Variants in SLC25A33 observed in about 807,000 individuals in gnomAD.
SLC25A33 encodes the protein solute carrier family 25 member 33.
Under a neutral mutation model 35.5 loss-of-function variants are expected in SLC25A33, and 15 were observed. The ratio of observed to expected loss-of-function variants is 0.42; its 90% confidence interval spans 0.28 to 0.65. SLC25A33 has a LOEUF of 0.65. Ranked by LOEUF, SLC25A33 falls within the 30% of genes least tolerant of loss-of-function variation. The pLI is 0.20. For missense variants in SLC25A33, 257 were observed against 398.5 expected (o/e 0.64, Z 3.02); for synonymous variants, 136 against 148.7 (o/e 0.91, Z 0.62).
At chr1:9,576,654 C>G (rs919591485) in intron 5 of SLC25A33, 1 of 620,386 alleles carries the variant, frequency 1.6e-6, no homozygotes, top group African/African-American at 1.8e-5. Context: ...AGAACACGAT[C>G]AAGGGTGTTA....
chr1:9,584,164 T>C lies in SLC25A33; in HGVS notation c.*1663T>C, dbSNP rs1442122614. On this transcript the variant is annotated 3_prime_UTR_variant, in exon 7 of 7. Transcript: ENST00000302692. ...TGAAGGTTGGTTTTCAATTTGAACG[T>C]CTAGAAAGATACTCATTTCTAATAC... 1.3e-5 allele frequency: 2 copies of C among 152,212 alleles called. No homozygotes were observed. Among genetic ancestry groups the C allele is most frequent in the African/African-American group, 4.8e-5 (2 of 41,450 alleles). The allele number at this position is 152,212 out of a possible 1,614,324, so 9.4% of individuals were successfully genotyped here.
chr1:9,562,794 G>C (rs1458325420), intron 2 of SLC25A33, among the ~76,000 whole-genome samples: 2 of 150,044 alleles, frequency 1.3e-5, no homozygotes, highest in African/African-American at 4.9e-5. Flanking sequence ...CAGAGGTTGT[G>C]GTGAGCCAAG....
Position 9,582,063 on chromosome 1 carries a change from C to G in SLC25A33, c.764-236C>G, listed in dbSNP as rs986503898. Among the ~76,000 whole-genome samples, 2 of 152,150 alleles carry G rather than the reference C, an allele frequency of 1.3e-5. No homozygotes were observed. Among genetic ancestry groups the G allele is most frequent in the African/African-American group, 4.8e-5 (2 of 41,432 alleles). On this transcript the variant is annotated intron_variant, in intron 6 of 6. Coordinates refer to ENST00000302692, the MANE Select transcript of SLC25A33 (RefSeq NM_032315.3). The surrounding 1 kb of genome is among the most constrained non-coding windows in gnomAD (Gnocchi z 4.0). ...CTCAGCCACTCTAGTAGTAGGCGTGCACCACCTTGCCTGGCTAATTTTTGT... is the reference window on the plus strand; with the variant it reads ...CTCAGCCACTCTAGTAGTAGGCGTGGACCACCTTGCCTGGCTAATTTTTGT...
intron 2 of SLC25A33, among the ~76,000 whole-genome samples, chr1:9,557,645 C>T (rs568803137): frequency 6.6e-6 from 1 of 152,270 alleles, no homozygotes; most frequent in African/African-American, 2.4e-5. Flanking sequence ...TCAGATCTCT[C>T]AAACGGATTC....
chr1:9,579,873 T>C (rs1167367919), intron 5 of SLC25A33, 81 bp from the exon 6 acceptor site: 1 of 1,470,400 alleles, frequency 6.8e-7, no homozygotes. Context: ...GGAAGACCCG[T>C]ACCTGTTCTC....
intron 2 of SLC25A33, among the ~76,000 whole-genome samples, chr1:9,562,464 C>A (rs1342686651): frequency 1.3e-5 from 2 of 152,030 alleles, no homozygotes; most frequent in Non-Finnish European, 2.9e-5. Context: ...TGTATGGGAT[C>A]ACTTAAAAGG....
intron 4 of SLC25A33, among the ~76,000 whole-genome samples, chr1:9,572,926 A>T (rs911741817): frequency 2.0e-5 from 3 of 151,906 alleles, no homozygotes; most frequent in Admixed American, 6.6e-5. Context: ...AAATTTTTTT[A>T]AAGAGATGGA....
At chr1:9,561,977 C>T (rs1041121485) in intron 2 of SLC25A33, among the ~76,000 whole-genome samples, 2 of 149,310 alleles carry the variant, frequency 1.3e-5, no homozygotes, top group Non-Finnish European at 3.0e-5. Context: ...TGTTTGAACC[C>T]GGGAGGTGGA....
At chr1:9,560,679 A>G (rs1643410778) in intron 2 of SLC25A33, among the ~76,000 whole-genome samples, 1 of 152,220 alleles carries the variant, frequency 6.6e-6, no homozygotes. Flanking sequence ...ATTCAGAGAA[A>G]AAAATATTCT....
chr1:9,579,260 G>C (rs573553284), intron 5 of SLC25A33, among the ~76,000 whole-genome samples: 2 of 152,094 alleles, frequency 1.3e-5, no homozygotes, highest in Admixed American at 1.3e-4. Flanking sequence ...ATTCACTTCC[G>C]ACACTGTCTA....
intron 5 of SLC25A33, among the ~76,000 whole-genome samples, chr1:9,575,772 C>T (rs187004681): frequency 6.6e-6 from 1 of 152,304 alleles, no homozygotes; most frequent in Non-Finnish European, 1.5e-5. Context: ...CCAAAAGAGC[C>T]TTCTAACATG....
chr1:9,569,369 C>T (rs565948976), intron 3 of SLC25A33, among the ~76,000 whole-genome samples: 1 of 152,178 alleles, frequency 6.6e-6, no homozygotes, highest in East Asian at 1.9e-4. Context: ...AAGTACTAGT[C>T]TGTGAGATGA....
intron 2 of SLC25A33, among the ~76,000 whole-genome samples, chr1:9,563,687 A>T (rs146284349): frequency 3.0e-4 from 46 of 152,340 alleles, no homozygotes; most frequent in South Asian, 2.1e-3. Context: ...GTGTGTTATA[A>T]TGAAAGTAAA....
chr1:9,576,875 T>C, intron 5 of SLC25A33: 2 of 1,267,498 alleles, frequency 1.6e-6, no homozygotes, highest in Non-Finnish European at 2.3e-6. Flanking sequence ...CGAGCTTGTT[T>C]CAAATTCAGT....
At position 9,539,558 on chromosome 1, in the gene SLC25A33, C is replaced by G; in HGVS notation, c.-134C>G. On this transcript the variant is annotated 5_prime_UTR_variant, in exon 1 of 7. Coordinates refer to ENST00000302692, the MANE Select transcript of SLC25A33 (RefSeq NM_032315.3). Reference sequence around the variant, plus strand: ...CCGAGCAGAGCCGGGCGTTGGAGCCCGCGCGCGCATGGAGGCGTTGCCGGC... The same window carrying G: ...CCGAGCAGAGCCGGGCGTTGGAGCCGGCGCGCGCATGGAGGCGTTGCCGGC... 1.7e-6 allele frequency: 1 copy of G among 575,918 alleles called. No individual in the cohort carries two copies. Among genetic ancestry groups the G allele is most frequent in the Non-Finnish European group, 2.4e-6 (1 of 408,866 alleles). The allele number at this position is 575,918 out of a possible 1,614,324, so 35.7% of individuals were successfully genotyped here.
At position 9,540,204 on chromosome 1, in the gene SLC25A33, C is replaced by A. The variant is rs569667545; in HGVS notation, c.56+457C>A. 5.3e-5 allele frequency among the ~76,000 whole-genome samples: 8 copies of A among 152,250 alleles called. No homozygotes were observed. In the East Asian group the frequency reaches 1.4e-3, roughly 26 times the overall value. On this transcript the variant is annotated intron_variant, in intron 1 of 6. Coordinates refer to ENST00000302692, the MANE Select transcript of SLC25A33 (RefSeq NM_032315.3). ...TCCTCAGGGCAGCGCGGGAGGTCATCCGGACGGGCAAAAAGGTCTGCGGAC... is the reference window on the plus strand; with the variant it reads ...TCCTCAGGGCAGCGCGGGAGGTCATACGGACGGGCAAAAAGGTCTGCGGAC...
chr1:9,573,478 C>T, intron 5 of SLC25A33, 66 bp downstream of exon 5: 1 of 1,288,846 alleles, frequency 7.8e-7, no homozygotes. Context: ...TGCCCCAATT[C>T]CTCCACATCT....
chr1:9,572,901 CAAA>C (rs57308070), intron 4 of SLC25A33, among the ~76,000 whole-genome samples: 1 of 60,894 alleles, frequency 1.6e-5, no homozygotes. Context: ...CCCGTCTCTA[CAAA>C]AAAAAAAAAA....
chr1:9,564,739 A>AAAAAAATATATATATATATAT (rs60174872), intron 2 of SLC25A33, among the ~76,000 whole-genome samples: 2 of 96,584 alleles, frequency 2.1e-5, no homozygotes, highest in African/African-American at 8.8e-5. Context: ...AAAAAAAAAA[A>AAAAAAATATATATATATATAT]ATATATATAT....
Sources: allele counts gnomAD v4.1 joint callset (sites outside exome capture counted in the v4.1 genomes callset), GRCh38; gene constraint gnomAD v4.1.1; non-coding constraint Gnocchi (gnomAD v3.1); transcripts MANE v1.5; gene names NCBI Gene and HGNC (gene_info 2026-07-23, HGNC 2026-07-21).